Variants in FRAS1 observed in about 807,000 individuals in gnomAD.
FRAS1 encodes the protein extracellular matrix organizing protein FRAS1.
FRAS1 carries 290 observed loss-of-function variants against 435.2 expected under a neutral mutation model. That is an observed-to-expected ratio of 0.67 (90% CI 0.61 to 0.73). The LOEUF (loss-of-function observed/expected upper bound fraction) is 0.73, where lower values mean the gene tolerates loss of function less well. Among genes scored for constraint, FRAS1 ranks in the 30% least tolerant of loss-of-function variants. The pLI, the probability that FRAS1 is intolerant of heterozygous loss-of-function variation, is 0.00. For missense variants in FRAS1, 4,860 were observed against 5,001.5 expected, an observed-to-expected ratio of 0.97 and a Z score of 0.85; for synonymous variants, 1,800 against 1,851.0, an observed-to-expected ratio of 0.97 and a Z score of 0.71.
intron 2 of FRAS1, among the ~76,000 whole-genome samples, chr4:78,207,719 T>C (rs570142658): frequency 6.6e-6 from 1 of 152,262 alleles, no homozygotes; most frequent in South Asian, 2.1e-4. Flanking sequence ...GGACTAGAGA[T>C]TGAGAAATCA....
intron 71 of FRAS1, among the ~76,000 whole-genome samples, chr4:78,535,321 C>T (rs1459283614): frequency 6.6e-6 from 1 of 152,214 alleles, no homozygotes; most frequent in Non-Finnish European, 1.5e-5. Flanking sequence ...ACTTCTTACA[C>T]TCCTACTGTT....
chr4:78,095,977 C>T (rs886253627), intron 2 of FRAS1, among the ~76,000 whole-genome samples: 8 of 152,192 alleles, frequency 5.3e-5, no homozygotes, highest in African/African-American at 1.9e-4. Context: ...CAAAAGTCCA[C>T]AGTCCAAAGT....
At chr4:78,319,303 A>T in intron 18 of FRAS1, 1 of 500,298 alleles carries the variant, frequency 2.0e-6, no homozygotes, top group Middle Eastern at 3.0e-4. Context: ...CTCATTGTAG[A>T]ATTTCATTTA....
chr4:78,319,143 C>T (rs1729398018), intron 18 of FRAS1, among the ~76,000 whole-genome samples, 157 bp downstream of exon 18: 1 of 152,098 alleles, frequency 6.6e-6, no homozygotes, highest in Non-Finnish European at 1.5e-5. Flanking sequence ...AAAGAGTAGC[C>T]CCCACCAATA....
intron 2 of FRAS1, among the ~76,000 whole-genome samples, chr4:78,229,541 C>G (rs913724580): frequency 1.3e-5 from 2 of 152,082 alleles, no homozygotes; most frequent in African/African-American, 4.8e-5. Flanking sequence ...CAAGTAAGTC[C>G]CTTAAGCTTC....
intron 60 of FRAS1, among the ~76,000 whole-genome samples, chr4:78,497,746 G>A (rs746139772): frequency 2.0e-5 from 3 of 152,150 alleles, no homozygotes; most frequent in Admixed American, 2.0e-4. Flanking sequence ...ACTTCATTCT[G>A]TCTGATTCTA....
chr4:78,345,767 G>A lies in FRAS1; in HGVS notation c.2422+7950G>A, dbSNP rs113666529. Among the ~76,000 whole-genome samples the A allele has an allele frequency of 7.7e-3, 1,169 of 151,222 alleles. 20 individuals are homozygous for A. The highest frequency in any genetic ancestry group is 0.026 in the African/African-American group (1,090 of 41,180). ...TTAAGAGATCAATCTCTCTGCAAAG[G>A]GGTGATTGAATATTTCAAGGCATTT... is the stretch of plus-strand genomic sequence containing the variant. On this transcript the variant is annotated intron_variant, in intron 20 of 73. Coordinates refer to ENST00000512123, the MANE Select transcript of FRAS1 (RefSeq NM_025074.7).
At chr4:78,274,686 G>A (rs569891082) in intron 9 of FRAS1, among the ~76,000 whole-genome samples, 7 of 152,248 alleles carry the variant, frequency 4.6e-5, no homozygotes, top group Admixed American at 3.3e-4. Flanking sequence ...GAGACAGTTT[G>A]TTATCATTTC....
chr4:78,181,419 G>C (rs1721994287), intron 2 of FRAS1: 2 of 1,611,976 alleles, frequency 1.2e-6, no homozygotes, highest in Non-Finnish European at 1.7e-6. Context: ...TCGTGCTTCA[G>C]GCCACTGTAA....
At chr4:78,242,263 A>C (rs1022989868) in intron 3 of FRAS1, among the ~76,000 whole-genome samples, 2 of 152,160 alleles carry the variant, frequency 1.3e-5, no homozygotes, top group African/African-American at 4.8e-5. Context: ...TGGTATGGTC[A>C]TGTCAAGAAC....
Position 78,245,262 on chromosome 4 carries a change from A to G in FRAS1, c.246A>G (p.Gln82=), listed in dbSNP as rs1166638693. The G allele has an allele frequency of 6.8e-6, 11 of 1,609,128 alleles. No individual in the cohort carries two copies. Among genetic ancestry groups the G allele is most frequent in the Admixed American group, 1.7e-5 (1 of 59,432 alleles). Residue 82 remains glutamine (Q), a synonymous_variant, in exon 4 of 74, where the codon CAA becomes CAG. Coordinates refer to ENST00000512123, the MANE Select transcript of FRAS1 (RefSeq NM_025074.7). ...AAGTGCTTCAAATAGCTGCCAACCAATGCTGTCCTGAGTGTGTTTTGAGGA... is the reference window on the plus strand; with the variant it reads ...AAGTGCTTCAAATAGCTGCCAACCAGTGCTGTCCTGAGTGTGTTTTGAGGA... The part of the protein sequence containing the change: ...KGEVLQIAAN[Q]CCPECVLRTP...
At chr4:78,418,463 A>G (rs1249627742) in intron 32 of FRAS1, among the ~76,000 whole-genome samples, 2 of 152,158 alleles carry the variant, frequency 1.3e-5, no homozygotes, top group Non-Finnish European at 2.9e-5. Flanking sequence ...AGCCAGATTC[A>G]ACTTAGCCCA....
At chr4:78,519,061 C>G (rs1345509196) in intron 66 of FRAS1, among the ~76,000 whole-genome samples, 1 of 151,796 alleles carries the variant, frequency 6.6e-6, no homozygotes, top group Non-Finnish European at 1.5e-5. Context: ...AGCTCATTCT[C>G]CCACTTCAAA....
intron 2 of FRAS1, among the ~76,000 whole-genome samples, chr4:78,217,047 A>T (rs1723798424): frequency 6.6e-6 from 1 of 151,902 alleles, no homozygotes; most frequent in South Asian, 2.1e-4. Flanking sequence ...AGGGTTCTCC[A>T]GAGAAACAGA....
In FRAS1 at chr4:78,057,954, A is replaced by G. The variant is rs1422199288; in HGVS notation, c.-56A>G. The G allele has an allele frequency of 3.2e-6, 5 of 1,560,412 alleles. No homozygotes were observed. The African/African-American group carries it at 4.1e-5, about 13-fold the overall frequency. ...AGCGCCGGAGCCAGCGTTTTGGCGG[A>G]GCCGCTTCTTGGATGCTGAAGGCTG... On this transcript the variant is annotated 5_prime_UTR_variant, in exon 1 of 74. Transcript: ENST00000512123. The surrounding 1 kb of genome is among the most constrained non-coding windows in gnomAD (Gnocchi z 4.2).
intron 2 of FRAS1, chr4:78,068,463 G>A: frequency 2.2e-6 from 1 of 454,856 alleles, no homozygotes; most frequent in Non-Finnish European, 4.4e-6. Context: ...ATTTGAGGCA[G>A]TGCATGGAGG....
At chr4:78,253,611 T>C (rs1725652365) in intron 5 of FRAS1, among the ~76,000 whole-genome samples, 1 of 152,148 alleles carries the variant, frequency 6.6e-6, no homozygotes, top group Non-Finnish European at 1.5e-5. Context: ...TCTTGCTCAG[T>C]GTGGCTCAAA....
chr4:78,515,171 C>T (rs1721167274), intron 65 of FRAS1, among the ~76,000 whole-genome samples: 1 of 151,930 alleles, frequency 6.6e-6, no homozygotes, highest in South Asian at 2.1e-4. Context: ...ATGTGCTTGG[C>T]AGCATTTGAT....
intron 63 of FRAS1, among the ~76,000 whole-genome samples, chr4:78,509,707 C>T (rs1431942628): frequency 6.6e-6 from 1 of 152,218 alleles, no homozygotes; most frequent in African/African-American, 2.4e-5. Flanking sequence ...CCAACCTTAA[C>T]AAACAGCCCA....
Sources: gnomAD v4.1 joint callset for allele counts (sites outside exome capture counted in the v4.1 genomes callset) on GRCh38, gnomAD v4.1.1 for gene constraint, Gnocchi (gnomAD v3.1) non-coding constraint, MANE v1.5 for transcripts, NCBI Gene and HGNC (gene_info 2026-07-23, HGNC 2026-07-21) for gene names.